The following HDAC4 variants were observed in gnomAD, a reference collection of about 807,000 sequenced individuals.
HDAC4 encodes histone deacetylase A.
Under a neutral mutation model 135.1 loss-of-function variants are expected in HDAC4, and 16 were observed. The ratio of observed to expected loss-of-function variants is 0.12; its 90% CI spans 0.08 to 0.18. HDAC4 has a LOEUF of 0.18. Ranked by LOEUF, HDAC4 falls within the 10% of genes least tolerant of loss-of-function variation. HDAC4 has a pLI of 1.00. For missense variants in HDAC4, 1,143 were observed against 1,511.8 expected, an observed-to-expected ratio of 0.76 and a Z score of 4.05; for synonymous variants, 685 against 653.4, an observed-to-expected ratio of 1.05 and a Z score of -0.74.
At chr2:239,224,915 C>A (rs2047156830) in intron 3 of HDAC4, among the ~76,000 whole-genome samples, 2 of 152,154 alleles carry the variant, frequency 1.3e-5, no homozygotes, top group African/African-American at 4.8e-5. Flanking sequence ...TATTTAGAAT[C>A]CAGCACCCAA....
chr2:239,257,238 T>C (rs1183385875), intron 2 of HDAC4, among the ~76,000 whole-genome samples: 1 of 141,740 alleles, frequency 7.1e-6, no homozygotes, highest in African/African-American at 2.6e-5. Flanking sequence ...AAAACACAAG[T>C]GCAAAAAAAA....
At chr2:239,356,888 TA>T (rs1241264712) in intron 1 of HDAC4, among the ~76,000 whole-genome samples, 2 of 151,546 alleles carry the variant, frequency 1.3e-5, no homozygotes, top group African/African-American at 4.9e-5. Context: ...TAATATAAAA[TA>T]ATAAAAGCAT....
At chr2:239,328,692 T>C (rs1291540775) in intron 2 of HDAC4, among the ~76,000 whole-genome samples, 1 of 152,208 alleles carries the variant, frequency 6.6e-6, no homozygotes, top group Non-Finnish European at 1.5e-5. Flanking sequence ...ACATCCGAAC[T>C]GCCAGGCTCG....
Position 239,111,509 on chromosome 2 carries a change from C to A in HDAC4, c.1978+17G>T. On this transcript the variant is annotated intron_variant, in intron 14 of 26. Coordinates refer to ENST00000543185, the MANE Select transcript of HDAC4 (RefSeq NM_001378414.1). Reference sequence around the variant, plus strand: ...GCCCGCGTTGCACCCTCAGGCTGCACAAAGGCCACGTGTTACCTGTCGTGA... The same window carrying A: ...GCCCGCGTTGCACCCTCAGGCTGCAAAAAGGCCACGTGTTACCTGTCGTGA... 1 of 1,609,224 alleles carries A rather than the reference C, an allele frequency of 6.2e-7. No homozygotes were observed. The highest frequency in any genetic ancestry group is 8.5e-7 in the Non-Finnish European group (1 of 1,178,624).
chr2:239,124,615 CCGGCGTGCCGG>C, intron 12 of HDAC4, among the ~76,000 whole-genome samples: 1 of 128,822 alleles, frequency 7.8e-6, no homozygotes, highest in African/African-American at 4.5e-5. Flanking sequence ...ATATGACATT[CCGGCGTGCCGG>C]CATGTGGCCG....
intron 1 of HDAC4, among the ~76,000 whole-genome samples, chr2:239,396,325 G>C (rs560557932): frequency 6.6e-6 from 1 of 152,014 alleles, no homozygotes; most frequent in African/African-American, 2.4e-5. Flanking sequence ...GAGAGCAAAT[G>C]ATAATAAATA....
Position 239,204,302 on chromosome 2 carries a change from G to A in HDAC4, c.95-14225C>T, listed in dbSNP as rs546695968. Among the ~76,000 whole-genome samples, 21 of 152,332 alleles carry A rather than the reference G, an allele frequency of 1.4e-4. No individual in the cohort carries two copies. The South Asian group carries it at 1.7e-3, about 12-fold the overall frequency. ...CCACGATGCAGCGGCCCCTGTGCCC[G>A]GGCCACGGGCCCTCCAGTTCAGGCA... On this transcript the variant is annotated intron_variant, in intron 3 of 26. Coordinates refer to ENST00000543185, the MANE Select transcript of HDAC4 (RefSeq NM_001378414.1).
chr2:239,172,630 A>T (rs1375224170), intron 5 of HDAC4, among the ~76,000 whole-genome samples: 2 of 152,108 alleles, frequency 1.3e-5, no homozygotes, highest in African/African-American at 4.8e-5. Flanking sequence ...AAAACAGAAC[A>T]TAGAGAAATA....
chr2:239,179,593 T>C (rs1258903534), intron 4 of HDAC4, among the ~76,000 whole-genome samples: 1 of 152,082 alleles, frequency 6.6e-6, no homozygotes, highest in Non-Finnish European at 1.5e-5. Flanking sequence ...ACGAAACCGG[T>C]CCCTGGTGCC....
intron 5 of HDAC4, among the ~76,000 whole-genome samples, chr2:239,168,680 C>A (rs1559546859): frequency 1.3e-5 from 2 of 152,222 alleles, no homozygotes; most frequent in African/African-American, 4.8e-5. Flanking sequence ...CCTGCACAGA[C>A]AAGAACCTCC....
At chr2:239,276,856 C>G (rs542818794) in intron 2 of HDAC4, among the ~76,000 whole-genome samples, 216 of 152,334 alleles carry the variant, frequency 1.4e-3, no homozygotes, top group Non-Finnish European at 2.4e-3. Context: ...GTGATCAGGT[C>G]TGTGTATGAG....
intron 3 of HDAC4, among the ~76,000 whole-genome samples, chr2:239,221,652 A>ACACG (rs1479191224): frequency 3.5e-5 from 5 of 143,178 alleles, no homozygotes; most frequent in Non-Finnish European, 6.1e-5. Context: ...ACACACACAC[A>ACACG]GCCTTCAACT....
intron 2 of HDAC4, among the ~76,000 whole-genome samples, chr2:239,320,664 C>T (rs1351672239): frequency 1.3e-5 from 2 of 152,086 alleles, no homozygotes; most frequent in Non-Finnish European, 2.9e-5. Context: ...TTTTCTGAAT[C>T]TTTTTGAGTC....
chr2:239,143,270 A>AC (rs397753384), intron 8 of HDAC4, among the ~76,000 whole-genome samples: 1 of 150,334 alleles, frequency 6.7e-6, no homozygotes, highest in Non-Finnish European at 1.5e-5. Context: ...TAAAAAAAAA[A>AC]CAACAAAAAA....
chr2:239,113,365 C>G (rs2038850631), intron 13 of HDAC4, among the ~76,000 whole-genome samples: 1 of 152,230 alleles, frequency 6.6e-6, no homozygotes, highest in Non-Finnish European at 1.5e-5. Flanking sequence ...CCACAGGCCC[C>G]CAGTCTGCTG....
At chr2:239,172,316 A>G (rs1394105339) in intron 5 of HDAC4, among the ~76,000 whole-genome samples, 1 of 147,810 alleles carries the variant, frequency 6.8e-6, no homozygotes, top group Non-Finnish European at 1.5e-5. Flanking sequence ...ATATATATAT[A>G]TATCACTAAA....
intron 3 of HDAC4, among the ~76,000 whole-genome samples, chr2:239,218,023 T>A (rs1048335960): frequency 2.6e-5 from 4 of 152,022 alleles, no homozygotes; most frequent in Admixed American, 2.6e-4. Context: ...GCCTGGGAGG[T>A]AGAGGCTGCA....
Position 239,281,314 on chromosome 2 carries a change from C to A in HDAC4, c.23-44650G>T, listed in dbSNP as rs371663942. On this transcript the variant is annotated intron_variant, in intron 2 of 26. Coordinates refer to ENST00000543185, the MANE Select transcript of HDAC4 (RefSeq NM_001378414.1). Reference sequence around the variant, plus strand: ...TACAATGAACACACCACTCTACACACAATGTACACACCACTCTGCAAACAA... The same window carrying A: ...TACAATGAACACACCACTCTACACAAAATGTACACACCACTCTGCAAACAA... 2.4e-3 allele frequency among the ~76,000 whole-genome samples: 270 copies of A among 112,624 alleles called. 4 individuals are homozygous for A. The highest frequency in any genetic ancestry group is 7.7e-3 in the African/African-American group (259 of 33,428). The allele number at this position is 112,624 out of a possible 152,430, so 73.9% of individuals were successfully genotyped here.
intron 24 of HDAC4, among the ~76,000 whole-genome samples, chr2:239,062,874 C>A (rs1056237468): frequency 2.0e-5 from 3 of 152,194 alleles, no homozygotes; most frequent in Non-Finnish European, 4.4e-5. Context: ...GAAGGCAGGG[C>A]GTGTCCTGGT....
Sources: allele counts gnomAD v4.1 joint callset (sites outside exome capture counted in the v4.1 genomes callset), GRCh38; gene constraint gnomAD v4.1.1; transcripts MANE v1.5; gene names NCBI Gene and HGNC (gene_info 2026-07-23, HGNC 2026-07-21).